Variants in ANKRD55 observed in about 807,000 individuals in gnomAD.
ANKRD55 encodes the protein ankyrin repeat domain-containing protein 55.
A neutral mutation model predicts 60.6 loss-of-function variants in ANKRD55; 41 were observed. That is an observed-to-expected ratio of 0.68 (90% CI 0.53 to 0.88). The LOEUF (loss-of-function observed/expected upper bound fraction) is 0.88. Among genes scored for constraint, ANKRD55 ranks in the 40% least tolerant of loss-of-function variants. ANKRD55 has a pLI of 0.00. For synonymous variants in ANKRD55, 264 were observed against 290.3 expected (o/e 0.91, Z 0.92); for missense variants, 732 against 767.6 (o/e 0.95, Z 0.55).
At chr5:56,224,119 G>C in intron 2 of ANKRD55, among the ~76,000 whole-genome samples, 1 of 152,150 alleles carries the variant, frequency 6.6e-6, no homozygotes, top group Non-Finnish European at 1.5e-5. Context: ...TAAAAGAACA[G>C]AAATTATAAC....
intron 2 of ANKRD55, among the ~76,000 whole-genome samples, chr5:56,230,221 A>C (rs1192217068): frequency 1.3e-5 from 2 of 152,030 alleles, no homozygotes; most frequent in African/African-American, 2.4e-5. Flanking sequence ...CAGCCTCCCG[A>C]GTAGCTGGGA....
chr5:56,117,699 G>A (rs1462348536), intron 8 of ANKRD55, among the ~76,000 whole-genome samples: 2 of 152,068 alleles, frequency 1.3e-5, no homozygotes, highest in Non-Finnish European at 2.9e-5. Flanking sequence ...TGATCCACCC[G>A]CCTTGGCCTC....
At chr5:56,112,511 A>AAAAACAAAAC (rs1756753632) in intron 9 of ANKRD55, among the ~76,000 whole-genome samples, 2 of 81,528 alleles carry the variant, frequency 2.5e-5, no homozygotes, top group Admixed American at 1.4e-4. Context: ...TAGCAAAAAA[A>AAAAACAAAAC]AAAAAAAAAA....
chr5:56,192,731 CA>C, intron 2 of ANKRD55: 1 of 1,351,328 alleles, frequency 7.4e-7, no homozygotes, highest in Non-Finnish European at 1.0e-6. Context: ...TCTAGGAGGA[CA>C]AATGAACTTC....
At chr5:56,176,097 T>C (rs1348792295) in intron 4 of ANKRD55, 55 bp downstream of exon 4, 2 of 1,605,524 alleles carry the variant, frequency 1.2e-6, no homozygotes, top group Non-Finnish European at 1.7e-6. Context: ...GACCCCATAA[T>C]GACACCCTTC....
At chr5:56,105,190 A>C (rs1756420623) in intron 10 of ANKRD55, among the ~76,000 whole-genome samples, 1 of 151,462 alleles carries the variant, frequency 6.6e-6, no homozygotes, top group Non-Finnish European at 1.5e-5. Flanking sequence ...GGGTTCCAGC[A>C]ATTCTCCTGC....
chr5:56,137,079 G>A (rs545651322), intron 7 of ANKRD55: 1 of 869,702 alleles, frequency 1.1e-6, no homozygotes, highest in African/African-American at 1.6e-5. Flanking sequence ...GAAATGCCCA[G>A]GCCATCAGGG....
chr5:56,201,089 A>G (rs1206452227), intron 2 of ANKRD55, among the ~76,000 whole-genome samples: 4 of 152,188 alleles, frequency 2.6e-5, no homozygotes, highest in African/African-American at 7.2e-5. Context: ...CATACTGGAG[A>G]TATTATGGCA....
intron 2 of ANKRD55, chr5:56,192,811 A>C: frequency 1.2e-6 from 1 of 834,216 alleles, no homozygotes; most frequent in Non-Finnish European, 1.9e-6. Flanking sequence ...AGCAAGTTAA[A>C]ATTCTTTGCT....
At chr5:56,126,133 C>CA (rs1056861797) in intron 8 of ANKRD55, among the ~76,000 whole-genome samples, 1 of 150,684 alleles carries the variant, frequency 6.6e-6, no homozygotes, top group African/African-American at 2.5e-5. Context: ...GACTCCATCT[C>CA]AAAAAAATAG....
At chr5:56,211,299 CTGAG>C (rs985651851) in intron 2 of ANKRD55, among the ~76,000 whole-genome samples, 1 of 152,164 alleles carries the variant, frequency 6.6e-6, no homozygotes, top group African/African-American at 2.4e-5. Flanking sequence ...GTTTCAATGC[CTGAG>C]TAACAGTCTT....
chr5:56,205,888 CTG>C (rs1347999435), intron 2 of ANKRD55, among the ~76,000 whole-genome samples: 3 of 152,118 alleles, frequency 2.0e-5, no homozygotes, highest in Non-Finnish European at 4.4e-5. Flanking sequence ...TGGCTGCATT[CTG>C]TCAGCTGGTC....
At chr5:56,132,055 A>T (rs1330620273) in intron 7 of ANKRD55, among the ~76,000 whole-genome samples, 2 of 151,862 alleles carry the variant, frequency 1.3e-5, no homozygotes, top group Non-Finnish European at 1.5e-5. Context: ...ATGCTTATAT[A>T]TAAGTAAAAT....
intron 7 of ANKRD55, among the ~76,000 whole-genome samples, chr5:56,131,549 A>C (rs1234864016): frequency 1.3e-5 from 2 of 152,058 alleles, no homozygotes; most frequent in Non-Finnish European, 2.9e-5. Flanking sequence ...TAATCCCAGC[A>C]TTTTGGGAGG....
At chr5:56,176,760 A>G (rs1348698697) in intron 3 of ANKRD55, among the ~76,000 whole-genome samples, 1 of 152,184 alleles carries the variant, frequency 6.6e-6, no homozygotes, top group Non-Finnish European at 1.5e-5. Flanking sequence ...CTGTACTGAA[A>G]TGCTTCTCTG....
At chr5:56,168,708 C>G (rs1188551489) in intron 5 of ANKRD55, among the ~76,000 whole-genome samples, 1 of 152,116 alleles carries the variant, frequency 6.6e-6, no homozygotes, top group African/African-American at 2.4e-5. Context: ...CTACTGTTCT[C>G]CTCTTTCCCC....
At chr5:56,220,639 C>T (rs931752513) in intron 2 of ANKRD55, among the ~76,000 whole-genome samples, 2 of 152,086 alleles carry the variant, frequency 1.3e-5, no homozygotes, top group East Asian at 3.9e-4. Context: ...AAAGGTGAAA[C>T]CCTGTCTCTA....
At chr5:56,210,495 G>A (rs1759640411) in intron 2 of ANKRD55, among the ~76,000 whole-genome samples, 2 of 149,068 alleles carry the variant, frequency 1.3e-5, no homozygotes, top group African/African-American at 2.5e-5. Flanking sequence ...CCGGGAGGCG[G>A]AGCTTGCAGT....
intron 3 of ANKRD55, among the ~76,000 whole-genome samples, chr5:56,181,416 T>C (rs1053107899): frequency 6.6e-6 from 1 of 152,208 alleles, no homozygotes; most frequent in Non-Finnish European, 1.5e-5. Context: ...AGATTTTTAT[T>C]ATTAATATGT....
Sources: allele counts gnomAD v4.1 joint callset (sites outside exome capture counted in the v4.1 genomes callset), GRCh38; gene constraint gnomAD v4.1.1; transcripts MANE v1.5; gene names NCBI Gene and HGNC (gene_info 2026-07-23, HGNC 2026-07-21).